The following PTPRD variants were observed in gnomAD, a reference collection of about 807,000 sequenced individuals.
PTPRD encodes the protein receptor-type tyrosine-protein phosphatase delta.
A neutral mutation model predicts 214.5 loss-of-function variants in PTPRD; 34 were observed. The observed-to-expected ratio is 0.16, with a 90% CI of 0.12 to 0.21. PTPRD has a LOEUF of 0.21. PTPRD is among the 10% of genes least tolerant of loss of function. The pLI is 1.00. For missense variants in PTPRD, 2,545 were observed against 2,398.7 expected (o/e 1.06, Z -1.27); for synonymous variants, 1,128 against 845.7 (o/e 1.33, Z -5.79).
intron 35 of PTPRD, among the ~76,000 whole-genome samples, chr9:8,428,153 G>A (rs767816003): frequency 6.6e-6 from 1 of 152,172 alleles, no homozygotes; most frequent in African/African-American, 2.4e-5. Flanking sequence ...TAGCAACTGT[G>A]TCATAATATT....
intron 12 of PTPRD, among the ~76,000 whole-genome samples, chr9:8,637,919 A>C (rs2096482130): frequency 6.6e-6 from 1 of 152,188 alleles, no homozygotes; most frequent in Non-Finnish European, 1.5e-5. Context: ...GGGATAGCAG[A>C]TAATGAAAAA....
At chr9:9,496,513 A>G (rs555489109) in intron 8 of PTPRD, among the ~76,000 whole-genome samples, 12 of 152,298 alleles carry the variant, frequency 7.9e-5, no homozygotes, top group African/African-American at 2.9e-4. Flanking sequence ...AACCCAAACT[A>G]CAATGAGATA....
intron 7 of PTPRD, among the ~76,000 whole-genome samples, chr9:9,643,777 G>A (rs1282724188): frequency 6.6e-6 from 1 of 152,138 alleles, no homozygotes; most frequent in Non-Finnish European, 1.5e-5. Flanking sequence ...AGTTCCTTCT[G>A]CAAAATATAA....
intron 12 of PTPRD, among the ~76,000 whole-genome samples, chr9:8,701,877 CT>C (rs2098093089): frequency 6.6e-6 from 1 of 152,114 alleles, no homozygotes; most frequent in South Asian, 2.1e-4. Flanking sequence ...TATTTTCATA[CT>C]TTATTGTAAT....
chr9:10,463,723 T>C (rs1566226960), intron 2 of PTPRD, among the ~76,000 whole-genome samples: 1 of 151,930 alleles, frequency 6.6e-6, no homozygotes, highest in Non-Finnish European at 1.5e-5. Flanking sequence ...CTTCAGACAC[T>C]AACAGAGGAA....
chr9:10,444,656 A>C (rs556704484), intron 2 of PTPRD, among the ~76,000 whole-genome samples: 1 of 151,970 alleles, frequency 6.6e-6, no homozygotes, highest in South Asian at 2.1e-4. Flanking sequence ...ATGTAATGAA[A>C]GTGAAATGTT....
intron 3 of PTPRD, among the ~76,000 whole-genome samples, chr9:10,244,723 A>T (rs1407763287): frequency 6.6e-6 from 1 of 152,160 alleles, no homozygotes; most frequent in Non-Finnish European, 1.5e-5. Flanking sequence ...AAGGAACTGA[A>T]GTTCAAACAA....
chr9:8,663,296 T>A (rs550169016), intron 12 of PTPRD, among the ~76,000 whole-genome samples: 2,030 of 151,244 alleles, frequency 0.013, 24 homozygotes, highest in Non-Finnish European at 0.02. Context: ...TTTTTTTTTT[T>A]AATTCTGGGT....
chr9:8,759,771 C>G (rs552314199), intron 11 of PTPRD, among the ~76,000 whole-genome samples: 1 of 152,248 alleles, frequency 6.6e-6, no homozygotes, highest in South Asian at 2.1e-4. Context: ...ACTTGAAATT[C>G]TCTCCTGGTC....
chr9:9,520,193 T>G (rs1377937279), intron 8 of PTPRD, among the ~76,000 whole-genome samples: 2 of 150,904 alleles, frequency 1.3e-5, no homozygotes, highest in Non-Finnish European at 3.0e-5. Context: ...TACATTTATT[T>G]TTAATATAAT....
chr9:8,400,413 A>G (rs1203615780), intron 36 of PTPRD, among the ~76,000 whole-genome samples: 1 of 152,194 alleles, frequency 6.6e-6, no homozygotes, highest in Non-Finnish European at 1.5e-5. Flanking sequence ...GTCCACCTGA[A>G]TGATGCATTT....
At chr9:8,837,487 C>G (rs2097455893) in intron 11 of PTPRD, among the ~76,000 whole-genome samples, 1 of 146,268 alleles carries the variant, frequency 6.8e-6, no homozygotes, top group African/African-American at 2.7e-5. Flanking sequence ...ATCTCCTTTT[C>G]TCTTCCTTTT....
chr9:9,539,133 AAAG>A (rs1319430196), intron 8 of PTPRD, among the ~76,000 whole-genome samples: 4 of 151,904 alleles, frequency 2.6e-5, no homozygotes, highest in African/African-American at 7.2e-5. Context: ...AGCAATGGGT[AAAG>A]AAGGAGTTAC....
intron 10 of PTPRD, among the ~76,000 whole-genome samples, chr9:9,057,915 A>G (rs1325252133): frequency 6.6e-6 from 1 of 152,204 alleles, no homozygotes; most frequent in Non-Finnish European, 1.5e-5. Context: ...ATATTATATA[A>G]AAATAATCAT....
chr9:9,227,411 C>T (rs191008756), intron 9 of PTPRD, among the ~76,000 whole-genome samples: 31 of 152,190 alleles, frequency 2.0e-4, no homozygotes, highest in Non-Finnish European at 4.0e-4. Context: ...GTCTGAAATC[C>T]CATCAGCTAT....
At chr9:9,147,042 TTAAC>T (rs1416385711) in intron 10 of PTPRD, among the ~76,000 whole-genome samples, 7 of 152,272 alleles carry the variant, frequency 4.6e-5, no homozygotes, top group Middle Eastern at 3.4e-3. Context: ...TAGATAGACT[TTAAC>T]TACCACCAAA....
chr9:10,475,879 AAC>A (rs768084898), intron 2 of PTPRD, among the ~76,000 whole-genome samples: 66 of 150,448 alleles, frequency 4.4e-4, no homozygotes, highest in Non-Finnish European at 5.2e-4. Context: ...GACAAAAAAA[AAC>A]ATATGATTAT....
chr9:10,108,585 G>A (rs2098658807), intron 3 of PTPRD, among the ~76,000 whole-genome samples: 1 of 151,740 alleles, frequency 6.6e-6, no homozygotes, highest in African/African-American at 2.4e-5. Context: ...AAATCCAACT[G>A]CCATATGATC....
intron 2 of PTPRD, among the ~76,000 whole-genome samples, chr9:10,607,711 C>T (rs576668213): frequency 6.6e-6 from 1 of 151,852 alleles, no homozygotes; most frequent in Admixed American, 6.6e-5. Flanking sequence ...TTTCCAATTT[C>T]ATCAGTTATA....
Sources: allele counts gnomAD v4.1 joint callset (sites outside exome capture counted in the v4.1 genomes callset), GRCh38; gene constraint gnomAD v4.1.1; transcripts MANE v1.5; gene names NCBI Gene and HGNC (gene_info 2026-07-23, HGNC 2026-07-21).